LRMDA: variants seen among roughly 807,000 people sequenced by gnomAD.
The protein encoded by LRMDA is leucine rich melanocyte differentiation associated.
LRMDA carries 18 observed loss-of-function variants against 29.8 expected under a neutral mutation model. That is an observed-to-expected ratio of 0.60 (90% confidence interval 0.42 to 0.90). The LOEUF (loss-of-function observed/expected upper bound fraction) is 0.90, where lower values mean the gene tolerates loss of function less well. LRMDA is among the 40% of genes least tolerant of loss of function. LRMDA has a pLI of 0.00. For missense variants in LRMDA, 273 were observed against 273.9 expected, an observed-to-expected ratio of 1.00 and a Z score of 0.02; for synonymous variants, 125 against 109.4, an observed-to-expected ratio of 1.14 and a Z score of -0.89.
chr10:75,966,504 A>C lies in LRMDA; in HGVS notation c.132-69504A>C, dbSNP rs952379239. Among the ~76,000 whole-genome samples the C allele has an allele frequency of 4.6e-5, 7 of 152,336 alleles. No individual in the cohort carries two copies. The South Asian group carries it at 1.5e-3, about 32-fold the overall frequency. On this transcript the variant is annotated intron_variant, in intron 2 of 6. Coordinates refer to ENST00000611255, the MANE Select transcript of LRMDA (RefSeq NM_001305581.2). The stretch of plus-strand genomic sequence containing the variant: ...GGTCCTCTATCTTGCTGTCCTACCC[A>C]GTACATTGTTCATTCCATGAAGGCA...
chr10:75,666,698 G>GT (rs56100833), intron 2 of LRMDA, among the ~76,000 whole-genome samples: 1,646 of 151,144 alleles, frequency 0.011, 14 homozygotes, highest in African/African-American at 0.014. Flanking sequence ...TAGATGGTTG[G>GT]TTTTTTTTTG....
intron 2 of LRMDA, among the ~76,000 whole-genome samples, chr10:75,578,234 A>AAAAAAAAAAAAAC (rs1456759861): frequency 1.4e-5 from 2 of 147,578 alleles, no homozygotes; most frequent in Admixed American, 6.9e-5. Flanking sequence ...AAAAAAAAAA[A>AAAAAAAAAAAAAC]AAAAAGCAGC....
chr10:75,793,240 T>C (rs1004268094), intron 2 of LRMDA, among the ~76,000 whole-genome samples: 1 of 151,240 alleles, frequency 6.6e-6, no homozygotes, highest in African/African-American at 2.4e-5. Flanking sequence ...GAGGCTTGAG[T>C]TTTTCTTGAG....
intron 2 of LRMDA, among the ~76,000 whole-genome samples, chr10:75,485,660 C>T (rs1232420168): frequency 6.6e-6 from 1 of 152,124 alleles, no homozygotes; most frequent in Non-Finnish European, 1.5e-5. Context: ...GCACCGCAAC[C>T]TCCGCCTCCC....
At chr10:75,774,221 A>C (rs1007700763) in intron 2 of LRMDA, among the ~76,000 whole-genome samples, 5 of 152,204 alleles carry the variant, frequency 3.3e-5, no homozygotes, top group African/African-American at 1.2e-4. Context: ...TCTGAAGACA[A>C]GTTTAATATT....
chr10:75,962,909 C>T (rs748546087), intron 2 of LRMDA, among the ~76,000 whole-genome samples: 6 of 152,122 alleles, frequency 3.9e-5, no homozygotes, highest in Non-Finnish European at 7.3e-5. Flanking sequence ...GCTTGGCCCA[C>T]GGACCTAGAT....
At chr10:75,440,242 T>G (rs1844312041) in intron 2 of LRMDA, among the ~76,000 whole-genome samples, 1 of 145,860 alleles carries the variant, frequency 6.9e-6, no homozygotes, top group South Asian at 2.3e-4. Context: ...GCAGGAAAAT[T>G]TCGTAAGGGG....
intron 6 of LRMDA, among the ~76,000 whole-genome samples, chr10:76,422,373 A>C (rs1842080040): frequency 6.6e-6 from 1 of 152,016 alleles, no homozygotes; most frequent in South Asian, 2.1e-4. Context: ...CAGCATTTTT[A>C]GTTTTTCTCA....
At chr10:75,806,685 C>G (rs551612062) in intron 2 of LRMDA, among the ~76,000 whole-genome samples, 2 of 150,790 alleles carry the variant, frequency 1.3e-5, no homozygotes, top group Admixed American at 6.6e-5. Context: ...TTAGAAATCC[C>G]GAGTACCCCT....
intron 5 of LRMDA, among the ~76,000 whole-genome samples, chr10:76,215,691 C>T (rs969970552): frequency 3.9e-5 from 6 of 152,186 alleles, no homozygotes; most frequent in Non-Finnish European, 4.4e-5. Flanking sequence ...TTCTACTTAA[C>T]CACGTTGTTC....
chr10:76,479,828 T>C (rs1456730254), intron 6 of LRMDA, among the ~76,000 whole-genome samples: 2 of 151,908 alleles, frequency 1.3e-5, no homozygotes, highest in Non-Finnish European at 2.9e-5. Flanking sequence ...ATGAGCCTTA[T>C]ATGCTTTGAC....
intron 5 of LRMDA, among the ~76,000 whole-genome samples, chr10:76,131,110 C>T (rs924887088): frequency 3.3e-5 from 5 of 152,192 alleles, no homozygotes; most frequent in African/African-American, 1.2e-4. Context: ...CCTGTTGCAC[C>T]TTAATGGGTG....
rs572871469 is a variant in LRMDA at position 76,179,263 on chromosome 10, A to G, written c.516+120480A>G. ...GGGGGGGGTGGTGGAGGAGTAGAGG[A>G]CATTTCCCTGTTCTCTGCTCTCCCC... On this transcript the variant is annotated intron_variant, in intron 5 of 6. Transcript: ENST00000611255. Among the ~76,000 whole-genome samples, 5 of 152,184 alleles carry G rather than the reference A, an allele frequency of 3.3e-5. No individual in the cohort carries two copies. The South Asian group carries it at 1.0e-3, about 32-fold the overall frequency.
intron 5 of LRMDA, among the ~76,000 whole-genome samples, chr10:76,286,658 T>C (rs1219313135): frequency 6.6e-6 from 1 of 152,152 alleles, no homozygotes; most frequent in Non-Finnish European, 1.5e-5. Flanking sequence ...TCAAAGATTC[T>C]GCCAAACACT....
chr10:75,822,906 A>T (rs562217479), intron 2 of LRMDA, among the ~76,000 whole-genome samples: 2 of 152,270 alleles, frequency 1.3e-5, no homozygotes, highest in African/African-American at 4.8e-5. Context: ...CCAATAAATA[A>T]TGCTGGCATA....
At chr10:75,579,690 G>A (rs894501073) in intron 2 of LRMDA, among the ~76,000 whole-genome samples, 2 of 152,146 alleles carry the variant, frequency 1.3e-5, no homozygotes, top group African/African-American at 2.4e-5. Context: ...CTGGGAAACC[G>A]AATCCAGTGG....
At chr10:75,834,662 T>C (rs1844403287) in intron 2 of LRMDA, among the ~76,000 whole-genome samples, 1 of 152,206 alleles carries the variant, frequency 6.6e-6, no homozygotes, top group African/African-American at 2.4e-5. Flanking sequence ...GTGCTTTCCA[T>C]GTAACTGTAG....
intron 5 of LRMDA, among the ~76,000 whole-genome samples, chr10:76,238,124 C>T (rs1042706351): frequency 6.6e-5 from 10 of 152,136 alleles, no homozygotes; most frequent in South Asian, 4.2e-4. Context: ...CTCCTCTACG[C>T]GAGGTCTTTG....
At position 76,377,005 on chromosome 10, in the gene LRMDA, C is replaced by G. The variant is rs537800000; in HGVS notation, c.601+52520C>G. Among the ~76,000 whole-genome samples, 214 of 150,782 alleles carry G rather than the reference C, an allele frequency of 1.4e-3. 1 individual carries two copies. The highest frequency in any genetic ancestry group is 0.014 in the Middle Eastern group (4 of 294). ...GGTTCACACCATTCTCCTGCCTCAG[C>G]CTCCTGAGTAGCTGGGACTACAAGT... On this transcript the variant is annotated intron_variant, in intron 6 of 6. Transcript: ENST00000611255.
Sources: gnomAD v4.1 joint callset for allele counts (sites outside exome capture counted in the v4.1 genomes callset) on GRCh38, gnomAD v4.1.1 for gene constraint, MANE v1.5 for transcripts, NCBI Gene and HGNC (gene_info 2026-07-23, HGNC 2026-07-21) for gene names.